ZPBP: variants seen among roughly 807,000 people sequenced by gnomAD.
ZPBP encodes the protein zona pellucida binding protein, also known as zona pellucida-binding protein 1.
In ZPBP, 26 loss-of-function variants were observed where a neutral mutation model predicts 44.8. The observed-to-expected ratio is 0.58, with a 90% CI of 0.43 to 0.81. The LOEUF is 0.81. Ranked by LOEUF, ZPBP falls within the 30% of genes least tolerant of loss-of-function variation. ZPBP has a pLI of 0.00. For synonymous variants in ZPBP, 174 were observed against 153.2 expected (o/e 1.14, Z -1.00); for missense variants, 409 against 434.0 (o/e 0.94, Z 0.51).
At chr7:49,966,327 C>G (rs1796059364) in intron 7 of ZPBP, among the ~76,000 whole-genome samples, 1 of 152,112 alleles carries the variant, frequency 6.6e-6, no homozygotes, top group African/African-American at 2.4e-5. Context: ...GTCTCTCACT[C>G]TCTCTCAGTA....
intron 1 of ZPBP, among the ~76,000 whole-genome samples, chr7:49,926,038 C>A (rs1219649626): frequency 1.3e-5 from 2 of 152,226 alleles, no homozygotes; most frequent in Non-Finnish European, 2.9e-5. Context: ...GGTCAGTGGA[C>A]TCTGCATAAT....
In ZPBP at chr7:49,950,619, A is replaced by G. The variant is rs555295067; in HGVS notation, c.962-12997T>C. Among the ~76,000 whole-genome samples the G allele has an allele frequency of 2.0e-5, 3 of 151,878 alleles. No homozygotes were observed. In the East Asian group the frequency reaches 5.8e-4, roughly 29 times the overall value. ...TATATGTGTATGTCTATTTATATGT[A>G]CACATATAAATACACAAATTAATAT... is the stretch of plus-strand genomic sequence containing the variant. On this transcript the variant is annotated intron_variant, in intron 7 of 7. Coordinates refer to ENST00000046087, the MANE Select transcript of ZPBP (RefSeq NM_007009.3).
intron 6 of ZPBP, among the ~76,000 whole-genome samples, chr7:50,007,395 A>T (rs939220430): frequency 2.0e-5 from 3 of 152,010 alleles, no homozygotes; most frequent in East Asian, 3.9e-4. Context: ...AATCAGTAAC[A>T]AAAAACTTTC....
chr7:49,942,696 G>C (rs1794938489), intron 7 of ZPBP: 1 of 152,868 alleles, frequency 6.5e-6, no homozygotes, highest in Admixed American at 6.6e-5. Flanking sequence ...TTCCTAGTAA[G>C]ACTCTTCATC....
chr7:49,966,608 A>C (rs1796072204), intron 7 of ZPBP, among the ~76,000 whole-genome samples: 1 of 152,248 alleles, frequency 6.6e-6, no homozygotes, highest in African/African-American at 2.4e-5. Context: ...CAAAGAAAAA[A>C]TTAAGTGAAA....
chr7:49,841,976 C>T, the ZPBP span, among the ~76,000 whole-genome samples: 1 of 152,062 alleles, frequency 6.6e-6, no homozygotes. Flanking sequence ...AAGCGATTCT[C>T]CTGTCTCAGC....
chr7:49,923,778 T>C (rs1794123306), intron 1 of ZPBP, among the ~76,000 whole-genome samples: 1 of 152,208 alleles, frequency 6.6e-6, no homozygotes. Flanking sequence ...GGTGATAATT[T>C]TTTCAGCTTT....
chr7:49,884,148 A>T (rs556492911), intron 2 of ZPBP, among the ~76,000 whole-genome samples: 2 of 152,356 alleles, frequency 1.3e-5, no homozygotes, highest in African/African-American at 4.8e-5. Flanking sequence ...CTGAAGCCAC[A>T]GTACTGGGGC....
At chr7:49,975,081 C>A (rs933549635) in intron 7 of ZPBP, among the ~76,000 whole-genome samples, 3 of 152,120 alleles carry the variant, frequency 2.0e-5, no homozygotes, top group Non-Finnish European at 4.4e-5. Flanking sequence ...AGTTTGCTTT[C>A]AGTCTGCGAA....
chr7:50,024,128 G>A (rs1228860218), intron 5 of ZPBP, among the ~76,000 whole-genome samples: 1 of 151,936 alleles, frequency 6.6e-6, no homozygotes, highest in Non-Finnish European at 1.5e-5. Context: ...CATGCCTGCA[G>A]GATGGCTGTT....
intron 1 of ZPBP, among the ~76,000 whole-genome samples, chr7:49,924,608 G>T (rs1331327132): frequency 6.6e-6 from 1 of 152,110 alleles, no homozygotes; most frequent in African/African-American, 2.4e-5. Flanking sequence ...GGTCAAAGGA[G>T]AAGTCATAAT....
chr7:50,005,130 C>A (rs1362807690), intron 6 of ZPBP, among the ~76,000 whole-genome samples: 1 of 150,760 alleles, frequency 6.6e-6, no homozygotes, highest in Non-Finnish European at 1.5e-5. Flanking sequence ...TGATATATTT[C>A]AAGTGCTAAA....
intron 2 of ZPBP, among the ~76,000 whole-genome samples, chr7:49,852,414 A>G (rs1790216928): frequency 6.6e-6 from 1 of 152,184 alleles, no homozygotes. Flanking sequence ...TAACAAGGTG[A>G]CCGGTGCTGT....
intron 7 of ZPBP, among the ~76,000 whole-genome samples, chr7:49,938,308 T>C (rs1441363635): frequency 6.6e-6 from 1 of 152,174 alleles, no homozygotes; most frequent in East Asian, 1.9e-4. Context: ...ATTTTGAAAA[T>C]ATTAATCTAA....
chr7:49,875,941 C>A (rs1186306013), intron 2 of ZPBP, among the ~76,000 whole-genome samples: 1 of 152,132 alleles, frequency 6.6e-6, no homozygotes, highest in Non-Finnish European at 1.5e-5. Flanking sequence ...TACATAGTGG[C>A]TGGAAGAATG....
In ZPBP at chr7:49,940,850, G is replaced by A. The variant is rs186731823; in HGVS notation, c.962-3228C>T. The A allele has an allele frequency of 4.9e-4, 471 of 954,882 alleles. 1 individual carries two copies. The Admixed American group carries it at 6.3e-3, about 13-fold the overall frequency. The allele number at this position is 954,882 out of a possible 1,614,324, so 59.2% of individuals were successfully genotyped here. ...CCTGTGGGATTGGTTTGTGATGGGT[G>A]CAGTTCCTGAAAACCACAAGGAGAC... On this transcript the variant is annotated intron_variant, in intron 7 of 7. Coordinates refer to ENST00000046087, the MANE Select transcript of ZPBP (RefSeq NM_007009.3).
intron 6 of ZPBP, among the ~76,000 whole-genome samples, chr7:50,009,153 C>T (rs1334318390): frequency 6.7e-6 from 1 of 148,546 alleles, no homozygotes; most frequent in African/African-American, 2.5e-5. Flanking sequence ...AGGATTATCA[C>T]TTGAACCTGC....
At chr7:49,885,988 T>C (rs552284238) in intron 2 of ZPBP, among the ~76,000 whole-genome samples, 7 of 152,358 alleles carry the variant, frequency 4.6e-5, no homozygotes, top group Admixed American at 4.6e-4. Flanking sequence ...AGTTACATTT[T>C]TGACGTGATG....
intron 3 of ZPBP, among the ~76,000 whole-genome samples, chr7:50,062,373 C>T (rs1002698111): frequency 6.6e-6 from 1 of 152,110 alleles, no homozygotes; most frequent in African/African-American, 2.4e-5. Context: ...CCAAAGTAAT[C>T]CTAAGTAAAA....
Sources: allele counts gnomAD v4.1 joint callset (sites outside exome capture counted in the v4.1 genomes callset), GRCh38; gene constraint gnomAD v4.1.1; transcripts MANE v1.5; gene names NCBI Gene and HGNC (gene_info 2026-07-23, HGNC 2026-07-21).